CNTNAP4: variants seen among roughly 807,000 people sequenced by gnomAD.
CNTNAP4 encodes the protein contactin associated protein family member 4.
Under a neutral mutation model 148.4 loss-of-function variants are expected in CNTNAP4, and 98 were observed. The observed-to-expected ratio is 0.66, with a 90% CI of 0.56 to 0.78. The LOEUF is 0.78. Among genes scored for constraint, CNTNAP4 ranks in the 30% least tolerant of loss-of-function variants. CNTNAP4 has a pLI of 0.00. For missense variants in CNTNAP4, 1,935 were observed against 1,565.6 expected (o/e 1.24, Z -3.98); for synonymous variants, 730 against 565.1 (o/e 1.29, Z -4.14).
chr16:76,462,193 A>G (rs1006043458), intron 9 of CNTNAP4, 88 bp downstream of exon 9: 1 of 1,128,810 alleles, frequency 8.9e-7, no homozygotes, highest in Non-Finnish European at 1.2e-6. Context: ...TGTTTTAACT[A>G]ATATGAATAC....
chr16:76,285,320 G>A (rs1019056627), intron 1 of CNTNAP4, among the ~76,000 whole-genome samples: 1 of 151,996 alleles, frequency 6.6e-6, no homozygotes, highest in Non-Finnish European at 1.5e-5. Context: ...AGTGAGTGAA[G>A]CCTGAAAACA....
rs376934223 is a variant in CNTNAP4, at chr16:76,321,367, C to T, written c.196+4844C>T. Among the ~76,000 whole-genome samples the T allele has an allele frequency of 9.9e-5, 15 of 152,248 alleles. No individual in the cohort carries two copies. The East Asian group carries it at 2.5e-3, about 25-fold the overall frequency. ...TTCTTTGCAAACAACTATTATGCTT[C>T]ATTAAATCTTCCAAGATATGCATGT... On this transcript the variant is annotated intron_variant, in intron 2 of 23. Coordinates refer to ENST00000611870, the MANE Select transcript of CNTNAP4 (RefSeq NM_033401.5).
At chr16:76,382,876 G>A (rs939860699) in intron 3 of CNTNAP4, among the ~76,000 whole-genome samples, 1 of 152,104 alleles carries the variant, frequency 6.6e-6, no homozygotes, top group African/African-American at 2.4e-5. Context: ...TGTTGTCAAA[G>A]ACTACTGGAG....
At chr16:76,370,748 A>G (rs1411903435) in intron 3 of CNTNAP4, among the ~76,000 whole-genome samples, 1 of 152,230 alleles carries the variant, frequency 6.6e-6, no homozygotes, top group Non-Finnish European at 1.5e-5. Flanking sequence ...GGATGCAGGC[A>G]GAATCCAAGT....
intron 3 of CNTNAP4, among the ~76,000 whole-genome samples, chr16:76,417,108 A>C (rs2079014948): frequency 6.6e-6 from 1 of 151,330 alleles, no homozygotes; most frequent in Admixed American, 6.6e-5. Context: ...GTCTATATTT[A>C]ATGTGGATTT....
chr16:76,529,914 T>A (rs1196612026), intron 17 of CNTNAP4, among the ~76,000 whole-genome samples: 1 of 151,682 alleles, frequency 6.6e-6, no homozygotes, highest in East Asian at 1.9e-4. Flanking sequence ...GGAGTGAAAT[T>A]TCTAGGTCAC....
chr16:76,545,741 C>G (rs1456166088), intron 21 of CNTNAP4, among the ~76,000 whole-genome samples: 1 of 152,066 alleles, frequency 6.6e-6, no homozygotes. Context: ...TACTAACATG[C>G]CTTAAAAGGT....
intron 5 of CNTNAP4, 33 bp from the exon 6 acceptor site, chr16:76,448,724 TAGACTGGCAA>T: frequency 7.0e-7 from 1 of 1,435,292 alleles, no homozygotes. Context: ...TTTTTTTCTT[TAGACTGGCAA>T]TAATGGTGCT....
At position 76,498,727 on chromosome 16, in the gene CNTNAP4, G is replaced by C. The variant is rs76580924; in HGVS notation, c.2365+33G>C. The C allele has an allele frequency of 2.0e-3, 3,176 of 1,551,982 alleles. 123 individuals carry two copies. In the East Asian group the frequency reaches 0.064, roughly 31 times the overall value. On this transcript the variant is annotated intron_variant, in intron 15 of 23. Transcript: ENST00000611870. The stretch of plus-strand genomic sequence containing the variant: ...GTTACAATGTGTTGAAACCGTATTT[G>C]AGAAAAGAACCATGACTTAAAGTAC...
intron 14 of CNTNAP4, among the ~76,000 whole-genome samples, chr16:76,496,943 G>C (rs762817159): frequency 6.6e-6 from 1 of 152,140 alleles, no homozygotes; most frequent in Admixed American, 6.5e-5. Context: ...ATCACAATGT[G>C]TAAACAAAGG....
chr16:76,431,670 C>T (rs1456167689), intron 4 of CNTNAP4, among the ~76,000 whole-genome samples: 4 of 152,156 alleles, frequency 2.6e-5, no homozygotes, highest in South Asian at 2.1e-4. Flanking sequence ...CAGAGTGAGA[C>T]TCTGTCTCAA....
chr16:76,302,663 A>G (rs926867832), intron 1 of CNTNAP4, among the ~76,000 whole-genome samples: 4 of 152,172 alleles, frequency 2.6e-5, no homozygotes, highest in African/African-American at 9.7e-5. Context: ...TTACATCTGC[A>G]AGATTAGTTT....
intron 21 of CNTNAP4, among the ~76,000 whole-genome samples, chr16:76,547,050 C>T (rs1043396830): frequency 4.6e-5 from 7 of 152,128 alleles, no homozygotes; most frequent in African/African-American, 1.7e-4. Context: ...TGTGAAAAGG[C>T]AGATAGTCTG....
intron 4 of CNTNAP4, among the ~76,000 whole-genome samples, chr16:76,433,366 A>G (rs527595851): frequency 1.3e-5 from 2 of 152,318 alleles, no homozygotes; most frequent in African/African-American, 2.4e-5. Flanking sequence ...AATTGCTTCA[A>G]TGCAGACAGT....
intron 3 of CNTNAP4, among the ~76,000 whole-genome samples, chr16:76,356,021 C>T (rs566281592): frequency 3.3e-5 from 5 of 151,930 alleles, no homozygotes; most frequent in African/African-American, 9.7e-5. Context: ...ATTATAGTCG[C>T]CCACAACCAC....
At position 76,540,710 on chromosome 16, in the gene CNTNAP4, A is replaced by G. The variant is rs1009926071; in HGVS notation, c.3362A>G (p.Asp1121Gly). The change falls in exon 21 of 24, where the codon GAT (aspartate) becomes GGT (glycine). Residue 1121 changes from aspartate to glycine, a missense_variant. Transcript: ENST00000611870. Reference protein sequence around the residue: ...EEGVVFIEIDDNRRRQVHLSS... With the variant: ...EEGVVFIEIDGNRRRQVHLSS... ...TGTGTAATAATTTTGTAGATTGACGATAATAGAAGGAGACAAGTTCACCTG... is the reference window on the plus strand; with the variant it reads ...TGTGTAATAATTTTGTAGATTGACGGTAATAGAAGGAGACAAGTTCACCTG... 6.5e-5 allele frequency: 101 copies of G among 1,564,780 alleles called. No homozygotes were observed. Among genetic ancestry groups the G allele is most frequent in the Non-Finnish European group, 7.9e-5 (91 of 1,152,198 alleles).
At chr16:76,316,998 G>A (rs1430859513) in intron 2 of CNTNAP4, among the ~76,000 whole-genome samples, 1 of 152,122 alleles carries the variant, frequency 6.6e-6, no homozygotes, top group African/African-American at 2.4e-5. Context: ...AGGTGTGGTG[G>A]TTCATGCCTA....
intron 8 of CNTNAP4, among the ~76,000 whole-genome samples, chr16:76,453,587 T>A (rs1230648282): frequency 2.0e-5 from 3 of 152,144 alleles, no homozygotes; most frequent in Non-Finnish European, 4.4e-5. Flanking sequence ...TAATAAATAA[T>A]CTTTAAAAAC....
chr16:76,346,554 A>G (rs945534500), intron 2 of CNTNAP4, among the ~76,000 whole-genome samples: 1 of 152,176 alleles, frequency 6.6e-6, no homozygotes, highest in Non-Finnish European at 1.5e-5. Context: ...CCTTCCTGTA[A>G]AAGATCTAAA....
Sources: allele counts gnomAD v4.1 joint callset (sites outside exome capture counted in the v4.1 genomes callset), GRCh38; gene constraint gnomAD v4.1.1; transcripts MANE v1.5; gene names NCBI Gene and HGNC (gene_info 2026-07-23, HGNC 2026-07-21).